The following PTPRD variants were observed in gnomAD, a reference collection of about 807,000 sequenced individuals.
PTPRD encodes the protein receptor-type tyrosine-protein phosphatase delta.
A neutral mutation model predicts 214.5 loss-of-function variants in PTPRD; 34 were observed. That is an observed-to-expected ratio of 0.16 (90% CI 0.12 to 0.21). The LOEUF is 0.21. PTPRD is among the 10% of genes least tolerant of loss of function. The pLI is 1.00. For synonymous variants in PTPRD, 1,128 were observed against 845.7 expected (o/e 1.33, Z -5.79); for missense variants, 2,545 against 2,398.7 (o/e 1.06, Z -1.27).
At chr9:9,726,946 A>G (rs1269559073) in intron 7 of PTPRD, among the ~76,000 whole-genome samples, 3 of 152,212 alleles carry the variant, frequency 2.0e-5, no homozygotes, top group African/African-American at 4.8e-5. Context: ...AAGTATGTAC[A>G]ATAACAAACA....
Position 8,392,819 on chromosome 9 carries a change from A to G in PTPRD, c.4211-3412T>C, listed in dbSNP as rs377130263. Among the ~76,000 whole-genome samples the G allele has an allele frequency of 2.6e-5, 4 of 152,130 alleles. No homozygotes were observed. The East Asian group carries it at 5.8e-4, about 22-fold the overall frequency. On this transcript the variant is annotated intron_variant, in intron 36 of 45. Coordinates refer to ENST00000381196, the MANE Select transcript of PTPRD (RefSeq NM_002839.4). ...ATGTTCTCCAGAAGCTCTAAGATCTAATGAGTCCTGTATTCATAAAACCCA... is the reference window on the plus strand; with the variant it reads ...ATGTTCTCCAGAAGCTCTAAGATCTGATGAGTCCTGTATTCATAAAACCCA...
chr9:9,517,469 C>G (rs558378134), intron 8 of PTPRD, among the ~76,000 whole-genome samples: 106 of 152,130 alleles, frequency 7.0e-4, no homozygotes, highest in African/African-American at 2.5e-3. Context: ...AAGATGGCCC[C>G]TATAACACAA....
chr9:9,033,148 T>C lies in PTPRD; in HGVS notation c.-142-14413A>G, dbSNP rs142113375. Among the ~76,000 whole-genome samples the C allele has an allele frequency of 9.7e-4, 147 of 152,264 alleles. 1 individual carries two copies. The Middle Eastern group carries it at 0.01, about 11-fold the overall frequency. The stretch of plus-strand genomic sequence containing the variant: ...CCTTGACCTTCTTTTCTCATTTGGC[T>C]CACTGGGTATAGTCCATAGACATGA... On this transcript the variant is annotated intron_variant, in intron 10 of 45. Coordinates refer to ENST00000381196, the MANE Select transcript of PTPRD (RefSeq NM_002839.4).
chr9:9,326,012 T>C (rs1969922856), intron 9 of PTPRD, among the ~76,000 whole-genome samples: 1 of 152,120 alleles, frequency 6.6e-6, no homozygotes, highest in Non-Finnish European at 1.5e-5. Flanking sequence ...TGTGTGTATG[T>C]TGAACCAGCC....
At chr9:8,787,130 C>A (rs1426941085) in intron 11 of PTPRD, among the ~76,000 whole-genome samples, 1 of 152,164 alleles carries the variant, frequency 6.6e-6, no homozygotes, top group Non-Finnish European at 1.5e-5. Flanking sequence ...GCCACTACGC[C>A]TGACCTGAGA....
At chr9:8,847,261 C>A (rs2097716204) in intron 11 of PTPRD, among the ~76,000 whole-genome samples, 1 of 149,946 alleles carries the variant, frequency 6.7e-6, no homozygotes, top group African/African-American at 2.5e-5. Context: ...GCAGTCCTTT[C>A]TTAAATCAGT....
chr9:9,575,058 A>G (rs1191470824), intron 7 of PTPRD, among the ~76,000 whole-genome samples: 1 of 135,274 alleles, frequency 7.4e-6, no homozygotes, highest in Non-Finnish European at 1.7e-5. Flanking sequence ...ACTATAGCTG[A>G]TGGATAACAT....
intron 11 of PTPRD, among the ~76,000 whole-genome samples, chr9:8,799,861 CT>C (rs1169424394): frequency 6.6e-6 from 1 of 150,816 alleles, no homozygotes; most frequent in Non-Finnish European, 1.5e-5. Flanking sequence ...CTTTTTTTTT[CT>C]TTTCAAGTTG....
chr9:8,485,442 G>GT (rs1299304797), intron 28 of PTPRD, 118 bp from the exon 29 acceptor site: 1 of 709,330 alleles, frequency 1.4e-6, no homozygotes, highest in Non-Finnish European at 2.4e-6. Flanking sequence ...AGAGAGAGAA[G>GT]TATGATTTTC....
chr9:10,466,435 C>T (rs184569523), intron 2 of PTPRD, among the ~76,000 whole-genome samples: 25 of 151,822 alleles, frequency 1.6e-4, no homozygotes, highest in African/African-American at 5.8e-4. Flanking sequence ...ACCAGCCTGA[C>T]CAACATGAAG....
chr9:10,325,938 T>A (rs761827661), intron 3 of PTPRD, among the ~76,000 whole-genome samples: 1 of 151,878 alleles, frequency 6.6e-6, no homozygotes, highest in Non-Finnish European at 1.5e-5. Context: ...AATTTTTTTA[T>A]GTAACAAACA....
intron 7 of PTPRD, among the ~76,000 whole-genome samples, chr9:9,624,213 C>T (rs1384032379): frequency 1.3e-5 from 2 of 152,110 alleles, no homozygotes; most frequent in African/African-American, 4.8e-5. Context: ...ATTAACTCTG[C>T]TACTTTCCTG....
chr9:10,327,095 C>A (rs1297038169), intron 3 of PTPRD, among the ~76,000 whole-genome samples: 1 of 150,252 alleles, frequency 6.7e-6, no homozygotes, highest in Non-Finnish European at 1.5e-5. Context: ...TAAACATGCA[C>A]ATATATCATG....
chr9:9,943,417 C>A (rs555407616), intron 4 of PTPRD, among the ~76,000 whole-genome samples: 15 of 151,604 alleles, frequency 9.9e-5, no homozygotes, highest in Non-Finnish European at 2.2e-4. Context: ...GTTTGAAATT[C>A]ATTCATTCAT....
intron 5 of PTPRD, among the ~76,000 whole-genome samples, chr9:9,789,786 AACTCT>A (rs2098953578): frequency 1.5e-5 from 1 of 64,568 alleles, no homozygotes; most frequent in Non-Finnish European, 3.6e-5. Context: ...AACAGAGCCA[AACTCT>A]GTCTCAAAAA....
chr9:9,575,288 G>C (rs1418331710), intron 7 of PTPRD, among the ~76,000 whole-genome samples: 4 of 151,768 alleles, frequency 2.6e-5, no homozygotes, highest in Admixed American at 6.6e-5. Flanking sequence ...AATTTTAAAG[G>C]CTGTACAGTA....
chr9:10,422,865 A>G (rs1411902805), intron 2 of PTPRD, among the ~76,000 whole-genome samples: 1 of 152,106 alleles, frequency 6.6e-6, no homozygotes, highest in Non-Finnish European at 1.5e-5. Flanking sequence ...TGGGAGTGTA[A>G]ACAAGTTCAA....
chr9:10,416,155 C>T (rs1446088582), intron 2 of PTPRD, among the ~76,000 whole-genome samples: 1 of 151,526 alleles, frequency 6.6e-6, no homozygotes, highest in Admixed American at 6.6e-5. Context: ...CAAGATCAGC[C>T]TGGCCAACAT....
At chr9:10,042,303 A>C (rs773838348) in intron 3 of PTPRD, among the ~76,000 whole-genome samples, 3 of 152,000 alleles carry the variant, frequency 2.0e-5, no homozygotes, top group Non-Finnish European at 4.4e-5. Context: ...AAAAAGAGGC[A>C]TGCGGAGATA....
Sources: allele counts gnomAD v4.1 joint callset (sites outside exome capture counted in the v4.1 genomes callset), GRCh38; gene constraint gnomAD v4.1.1; transcripts MANE v1.5; gene names NCBI Gene and HGNC (gene_info 2026-07-23, HGNC 2026-07-21).